Variants in PCDHA2 observed in about 807,000 individuals in gnomAD.
PCDHA2 encodes the protein protocadherin alpha 2, also known as protocadherin alpha-2.
In PCDHA2, 58 loss-of-function variants were observed where a neutral mutation model predicts 66.0. That is an observed-to-expected ratio of 0.88 (90% confidence interval 0.71 to 1.09). The LOEUF is 1.09. Among genes scored for constraint, PCDHA2 ranks in the 50% least tolerant of loss-of-function variants. The probability of loss-of-function intolerance (pLI) is 0.00; values close to 1 mark genes in which losing one functional copy is unlikely to be tolerated. For missense variants in PCDHA2, 1,267 were observed against 1,242.3 expected (o/e 1.02, Z -0.30); for synonymous variants, 634 against 554.0 (o/e 1.14, Z -2.03).
In PCDHA2 at chr5:140,982,523, G is replaced by A; in HGVS notation, c.2496G>A (p.Gly832=). Residue 832 remains glycine (G), a synonymous_variant, in exon 3 of 4, where the codon GGG becomes GGA. Coordinates refer to ENST00000526136, the MANE Select transcript of PCDHA2 (RefSeq NM_018905.3). ...EAGILRAGPG[G]PDQQWPTVSS... ...GCATTCTACGGGCTGGTCCAGGAGGGCCTGATCAGCAGTGGCCAACAGTAT... is the reference window on the plus strand; with the variant it reads ...GCATTCTACGGGCTGGTCCAGGAGGACCTGATCAGCAGTGGCCAACAGTAT... 6.2e-7 allele frequency: 1 copy of A among 1,614,220 alleles called. No individual in the cohort carries two copies. The highest frequency in any genetic ancestry group is 8.5e-7 in the Non-Finnish European group (1 of 1,180,034).
At chr5:140,895,835 A>G (rs782780692) in intron 1 of PCDHA2, among the ~76,000 whole-genome samples, 3 of 152,096 alleles carry the variant, frequency 2.0e-5, no homozygotes, top group Non-Finnish European at 4.4e-5. Context: ...TTTTCAGACA[A>G]AGTCTCACTC....
chr5:140,875,591 A>C, intron 1 of PCDHA2: 2 of 1,613,998 alleles, frequency 1.2e-6, no homozygotes, highest in Non-Finnish European at 1.7e-6. Context: ...GAGGAGGCCA[A>C]ACACGGCACC....
chr5:140,806,311 C>G (rs1763716271), intron 1 of PCDHA2, among the ~76,000 whole-genome samples: 1 of 152,120 alleles, frequency 6.6e-6, no homozygotes, highest in South Asian at 2.1e-4. Context: ...AAAATAGAAG[C>G]TTAGGCACAT....
chr5:141,004,402 A>T (rs2098165262), intron 3 of PCDHA2, among the ~76,000 whole-genome samples: 1 of 152,188 alleles, frequency 6.6e-6, no homozygotes, highest in African/African-American at 2.4e-5. Context: ...TGGAGGAGGC[A>T]CCTGACTAGA....
At chr5:140,898,099 A>C (rs1469393554) in intron 1 of PCDHA2, among the ~76,000 whole-genome samples, 2 of 152,168 alleles carry the variant, frequency 1.3e-5, no homozygotes, top group African/African-American at 4.8e-5. Flanking sequence ...GCCCTTTGTC[A>C]GATGAGTAGG....
chr5:140,801,685 G>C, intron 1 of PCDHA2: 1 of 1,614,202 alleles, frequency 6.2e-7, no homozygotes, highest in Non-Finnish European at 8.5e-7. Context: ...GCAGATATCG[G>C]AACAAATTCG....
In PCDHA2 at chr5:141,011,530, T is replaced by C. The variant is rs1427621980; in HGVS notation, c.*1593T>C. 7 of 153,810 alleles carry C rather than the reference T, an allele frequency of 4.6e-5. No individual in the cohort carries two copies. The highest frequency in any genetic ancestry group is 1.7e-4 in the African/African-American group (7 of 41,470). The allele number at this position is 153,810 out of a possible 1,614,324, so 9.5% of individuals were successfully genotyped here. Reference sequence around the variant, plus strand: ...TGGAGTAGTGTTTTTTTAACCATTGTTAATCAGCTTTTGTGTATGAAAGAC... The same window carrying C: ...TGGAGTAGTGTTTTTTTAACCATTGCTAATCAGCTTTTGTGTATGAAAGAC... On this transcript the variant is annotated 3_prime_UTR_variant, in exon 4 of 4. Transcript: ENST00000526136.
At chr5:140,977,599 AC>A (rs782213571) in intron 1 of PCDHA2, among the ~76,000 whole-genome samples, 1 of 152,150 alleles carries the variant, frequency 6.6e-6, no homozygotes, top group Non-Finnish European at 1.5e-5. Context: ...GCATGTGAGG[AC>A]CATTGAGGTA....
intron 1 of PCDHA2, among the ~76,000 whole-genome samples, chr5:140,943,273 A>G (rs1451221832): frequency 1.3e-5 from 2 of 150,472 alleles, no homozygotes; most frequent in East Asian, 1.9e-4. Flanking sequence ...AAAAAAAAAA[A>G]AAAAGAAAGA....
intron 1 of PCDHA2, among the ~76,000 whole-genome samples, chr5:140,952,848 T>A (rs10476804): frequency 0.013 from 2,044 of 152,238 alleles, 38 homozygotes; most frequent in African/African-American, 0.047. Context: ...CTGCTTGTCT[T>A]CTGGGGAGGC....
intron 1 of PCDHA2, chr5:140,863,222 A>C: frequency 9.0e-7 from 1 of 1,110,392 alleles, no homozygotes; most frequent in Non-Finnish European, 1.3e-6. Flanking sequence ...CAAGCGAGGA[A>C]GGTCCCATCG....
intron 3 of PCDHA2, among the ~76,000 whole-genome samples, chr5:140,993,470 ACAC>A: frequency 8.7e-6 from 1 of 115,268 alleles, no homozygotes; most frequent in South Asian, 2.9e-4. Context: ...TCTCACACAC[ACAC>A]ACACACACAC....
chr5:140,863,333 CGTT>C, intron 1 of PCDHA2: 1 of 1,399,240 alleles, frequency 7.1e-7, no homozygotes. Flanking sequence ...TTAGTGCTCA[CGTT>C]GCTGCTGTAC....
At chr5:140,917,047 G>A (rs183820401) in intron 1 of PCDHA2, among the ~76,000 whole-genome samples, 11 of 152,262 alleles carry the variant, frequency 7.2e-5, no homozygotes, top group Admixed American at 5.2e-4. Context: ...GCACAGTGTT[G>A]TTCCCTGCTA....
intron 1 of PCDHA2, chr5:140,815,112 T>A (rs1554126680): frequency 6.6e-6 from 1 of 152,168 alleles, no homozygotes; most frequent in African/African-American, 2.4e-5. Context: ...AGTTAGCATA[T>A]AATTGGGTCT....
At chr5:140,857,208 C>G (rs1554149670) in intron 1 of PCDHA2, 4 of 1,598,578 alleles carry the variant, frequency 2.5e-6, no homozygotes, top group Non-Finnish European at 3.4e-6. Flanking sequence ...GTCACCTGCT[C>G]TCTGACGCCT....
At chr5:140,982,748 G>C (rs2097001127) in intron 3 of PCDHA2, among the ~76,000 whole-genome samples, 185 bp downstream of exon 3, 1 of 151,896 alleles carries the variant, frequency 6.6e-6, no homozygotes, top group African/African-American at 2.4e-5. Flanking sequence ...TGCTCTTCAG[G>C]AGTTGAAAAA....
At chr5:140,992,471 A>G (rs1563581785) in intron 3 of PCDHA2, among the ~76,000 whole-genome samples, 1 of 152,186 alleles carries the variant, frequency 6.6e-6, no homozygotes, top group Non-Finnish European at 1.5e-5. Context: ...TACTCTTTAG[A>G]TCACCCAGAG....
intron 1 of PCDHA2, chr5:140,858,758 A>G (rs1474709962): frequency 4.4e-6 from 2 of 458,304 alleles, no homozygotes; most frequent in Non-Finnish European, 7.8e-6. Flanking sequence ...TTCGTTACAA[A>G]TATTTGTGAG....
Sources: allele counts gnomAD v4.1 joint callset (sites outside exome capture counted in the v4.1 genomes callset), GRCh38; gene constraint gnomAD v4.1.1; transcripts MANE v1.5; gene names NCBI Gene and HGNC (gene_info 2026-07-23, HGNC 2026-07-21).